Variants in STRBP observed in about 807,000 individuals in gnomAD.
STRBP encodes the protein spermatid perinuclear RNA binding protein, also known as spermatid perinuclear RNA-binding protein.
In STRBP, 13 loss-of-function variants were observed where a neutral mutation model predicts 80.1. The ratio of observed to expected loss-of-function variants is 0.16; its 90% CI spans 0.11 to 0.26. The LOEUF (loss-of-function observed/expected upper bound fraction) is 0.26. Ranked by LOEUF, STRBP falls within the 10% of genes least tolerant of loss-of-function variation. The pLI, the probability that STRBP is intolerant of heterozygous loss-of-function variation, is 1.00. For missense variants in STRBP, 485 were observed against 815.2 expected (o/e 0.59, Z 4.93); for synonymous variants, 284 against 291.2 (o/e 0.98, Z 0.25).
At chr9:123,156,039 A>T (rs2037270397) in intron 11 of STRBP, among the ~76,000 whole-genome samples, 1 of 152,032 alleles carries the variant, frequency 6.6e-6, no homozygotes. Context: ...CTGACAAACC[A>T]GCAGTTCCCA....
At chr9:123,257,342 C>A (rs955395604) in intron 1 of STRBP, among the ~76,000 whole-genome samples, 1 of 152,086 alleles carries the variant, frequency 6.6e-6, no homozygotes, top group African/African-American at 2.4e-5. Flanking sequence ...TTATTCCCCT[C>A]CACTAGAAAT....
At chr9:123,188,819 T>A (rs1038388307) in intron 2 of STRBP, among the ~76,000 whole-genome samples, 27 of 152,120 alleles carry the variant, frequency 1.8e-4, no homozygotes, top group African/African-American at 6.3e-4. Flanking sequence ...ATCCAGTAAA[T>A]TTACTCTCAA....
intron 8 of STRBP, among the ~76,000 whole-genome samples, chr9:123,159,999 G>T (rs1406010415): frequency 6.6e-6 from 1 of 152,114 alleles, no homozygotes; most frequent in African/African-American, 2.4e-5. Flanking sequence ...GTAATGCAAG[G>T]GGGCACCAAA....
At chr9:123,206,013 TA>T (rs2039500475) in intron 2 of STRBP, among the ~76,000 whole-genome samples, 1 of 152,226 alleles carries the variant, frequency 6.6e-6, no homozygotes, top group South Asian at 2.1e-4. Flanking sequence ...GTAATTGGTA[TA>T]AAAGCAATAG....
Position 123,125,532 on chromosome 9 carries a change from CT to C in STRBP, c.*64del. On this transcript the variant is annotated 3_prime_UTR_variant, in exon 19 of 19. Coordinates refer to ENST00000348403, the MANE Select transcript of STRBP (RefSeq NM_018387.5). Reference sequence around the variant, plus strand: ...GTTCAAAGAAAGCAGGATAAAAAGGCTTTTTCTCTAACATTCTGTGTTGTAC... The same window carrying C: ...GTTCAAAGAAAGCAGGATAAAAAGGCTTTTCTCTAACATTCTGTGTTGTAC... 6.9e-7 allele frequency: 1 copy of C among 1,440,224 alleles called. No individual in the cohort carries two copies. Among genetic ancestry groups the C allele is most frequent in the South Asian group, 1.7e-5 (1 of 57,592 alleles). 89.2% of individuals were successfully genotyped at this position (1,440,224 alleles called of 1,614,324 possible).
chr9:123,128,074 C>G, intron 18 of STRBP, 140 bp downstream of exon 18: 1 of 1,061,222 alleles, frequency 9.4e-7, no homozygotes, highest in South Asian at 1.5e-5. Context: ...GTGGCATTTT[C>G]AAAAGGAATT....
At position 123,224,109 on chromosome 9, in the gene STRBP, G is replaced by A. The variant is rs188070575; in HGVS notation, c.-165+12721C>T. On this transcript the variant is annotated intron_variant, in intron 2 of 18. Coordinates refer to ENST00000348403, the MANE Select transcript of STRBP (RefSeq NM_018387.5). ...AACAAAATACACAGTGAATAAAAAA[G>A]AAAACATCTACTCATATTTATATAT... Among the ~76,000 whole-genome samples, 507 of 152,208 alleles carry A rather than the reference G, an allele frequency of 3.3e-3. 2 individuals carry two copies. The highest frequency in any genetic ancestry group is 6.8e-3 in the Middle Eastern group (2 of 294).
At chr9:123,242,733 C>T (rs908755552) in intron 1 of STRBP, among the ~76,000 whole-genome samples, 5 of 151,970 alleles carry the variant, frequency 3.3e-5, no homozygotes, top group Admixed American at 6.6e-5. Context: ...GTTTTTAACA[C>T]CAAAAAGGGA....
chr9:123,201,799 T>C (rs899575318), intron 2 of STRBP, among the ~76,000 whole-genome samples: 7 of 152,364 alleles, frequency 4.6e-5, no homozygotes, highest in African/African-American at 1.7e-4. Flanking sequence ...TGTTTCTCAG[T>C]TGACTTTTAG....
At chr9:123,140,033 A>G (rs189915491) in intron 13 of STRBP, among the ~76,000 whole-genome samples, 1 of 152,216 alleles carries the variant, frequency 6.6e-6, no homozygotes, top group Non-Finnish European at 1.5e-5. Flanking sequence ...CAGAAGTAGC[A>G]TACTATAAAA....
chr9:123,197,875 C>T (rs370683144), intron 2 of STRBP, among the ~76,000 whole-genome samples: 70 of 151,850 alleles, frequency 4.6e-4, no homozygotes, highest in Middle Eastern at 3.4e-3. Context: ...GGGTTTCACC[C>T]TGTTGGGTGG....
At chr9:123,215,991 A>T (rs565114902) in intron 2 of STRBP, among the ~76,000 whole-genome samples, 2 of 152,142 alleles carry the variant, frequency 1.3e-5, no homozygotes, top group South Asian at 2.1e-4. Context: ...ATTAGACTCA[A>T]CCATGCTTAC....
rs1341833838 is a variant in STRBP at position 123,124,300 on chromosome 9, C to T, written c.*1297G>A. The T allele has an allele frequency of 4.2e-5, 41 of 985,288 alleles. No individual in the cohort carries two copies. Among genetic ancestry groups the T allele is most frequent in the Admixed American group, 6.2e-5 (1 of 16,250 alleles). The allele number at this position is 985,288 out of a possible 1,614,324, so 61.0% of individuals were successfully genotyped here. ...ATTGACAGGGGACCACACTGCTGCT[C>T]CTTCATGGGGGTGAGTACCTTAATG... On this transcript the variant is annotated 3_prime_UTR_variant, in exon 19 of 19. Coordinates refer to ENST00000348403, the MANE Select transcript of STRBP (RefSeq NM_018387.5).
chr9:123,184,011 G>T, intron 3 of STRBP, 121 bp downstream of exon 3: 3 of 862,710 alleles, frequency 3.5e-6, no homozygotes, highest in South Asian at 1.7e-5. Flanking sequence ...ATCTTTATAT[G>T]ACACACTAAA....
chr9:123,160,512 A>C, intron 7 of STRBP, 50 bp from the exon 8 acceptor site: 1 of 1,444,674 alleles, frequency 6.9e-7, no homozygotes, highest in South Asian at 1.5e-5. Context: ...TCTATTCTTC[A>C]TTTTGGGCAA....
At chr9:123,147,114 T>G in intron 12 of STRBP, 60 bp from the exon 13 acceptor site, 2 of 1,501,456 alleles carry the variant, frequency 1.3e-6, no homozygotes, top group African/African-American at 1.4e-5. Context: ...GCTTTATGCG[T>G]TTTTGGGGTT....
At chr9:123,118,608 G>C (rs552934808), downstream of STRBP, among the ~76,000 whole-genome samples, 6 of 152,236 alleles carry the variant, frequency 3.9e-5, no homozygotes, top group Non-Finnish European at 7.3e-5. Context: ...GCCTCCCCTG[G>C]GGGGAATGTA....
At chr9:123,179,728 AGT>A (rs1189105143) in intron 3 of STRBP, among the ~76,000 whole-genome samples, 1 of 152,226 alleles carries the variant, frequency 6.6e-6, no homozygotes, top group Non-Finnish European at 1.5e-5. Context: ...TGGGCAACAG[AGT>A]GAACTCTGTC....
chr9:123,229,597 G>C (rs1365524315), intron 2 of STRBP, among the ~76,000 whole-genome samples: 2 of 152,212 alleles, frequency 1.3e-5, no homozygotes, highest in Non-Finnish European at 2.9e-5. Context: ...ATATCCTTGA[G>C]TAGTTGATAG....
Sources: gnomAD v4.1 joint callset for allele counts (sites outside exome capture counted in the v4.1 genomes callset) on GRCh38, gnomAD v4.1.1 for gene constraint, MANE v1.5 for transcripts, NCBI Gene and HGNC (gene_info 2026-07-23, HGNC 2026-07-21) for gene names.